Variants in FOXN3 observed in about 807,000 individuals in gnomAD.
The protein encoded by FOXN3 is forkhead box N3.
FOXN3 carries 7 observed loss-of-function variants against 38.4 expected under a neutral mutation model. The ratio of observed to expected loss-of-function variants is 0.18; its 90% CI spans 0.10 to 0.34. The LOEUF is 0.34. FOXN3 is among the 10% of genes least tolerant of loss of function. The pLI is 1.00. For missense variants in FOXN3, 456 were observed against 613.4 expected, an observed-to-expected ratio of 0.74 and a Z score of 2.71; for synonymous variants, 230 against 242.2, an observed-to-expected ratio of 0.95 and a Z score of 0.47.
At chr14:89,400,538 T>C (rs1891218276) in intron 2 of FOXN3, among the ~76,000 whole-genome samples, 1 of 152,176 alleles carries the variant, frequency 6.6e-6, no homozygotes, top group Non-Finnish European at 1.5e-5. Flanking sequence ...CACATGTTCA[T>C]CTGCAACCCC....
intron 1 of FOXN3, among the ~76,000 whole-genome samples, chr14:89,598,357 C>T (rs922053917): frequency 2.0e-5 from 3 of 152,056 alleles, no homozygotes; most frequent in African/African-American, 7.2e-5. Flanking sequence ...GAGCCTTGAT[C>T]GGGGATAATT....
chr14:89,459,950 A>G (rs983011573), intron 1 of FOXN3, among the ~76,000 whole-genome samples: 5 of 152,172 alleles, frequency 3.3e-5, no homozygotes, highest in Admixed American at 2.0e-4. Context: ...AGAGGGGAAG[A>G]CAATACGAAC....
chr14:89,518,551 C>A (rs900536414), intron 1 of FOXN3, among the ~76,000 whole-genome samples: 1 of 152,204 alleles, frequency 6.6e-6, no homozygotes, highest in Non-Finnish European at 1.5e-5. Flanking sequence ...CCCTCCCCAC[C>A]TTTGCCAAGA....
chr14:89,177,538 A>ACTGGGGCTGGGGCTGGGGCTGGGG (rs542008664), intron 5 of FOXN3, among the ~76,000 whole-genome samples: 1 of 140,218 alleles, frequency 7.1e-6, no homozygotes, highest in Non-Finnish European at 1.5e-5. Context: ...TGTTTCCCAA[A>ACTGGGGCTGGGGCTGGGGCTGGGG]CTGGGGCTGG....
At chr14:89,430,552 A>G (rs1892133595) in intron 1 of FOXN3, among the ~76,000 whole-genome samples, 2 of 152,228 alleles carry the variant, frequency 1.3e-5, no homozygotes, top group Non-Finnish European at 2.9e-5. Context: ...TGTCACTACT[A>G]AAAGCATTAT....
In FOXN3 at chr14:89,350,807, C is replaced by T. The variant is rs1313714876; in HGVS notation, c.545G>A (p.Ser182Asn). The change falls in exon 3 of 6, where the codon AGT becomes AAT. Residue 182 changes from serine to asparagine, a missense_variant and splice_region_variant. Around this residue, in one of 3 missense-constraint regions of FOXN3, gnomAD observed 386 missense variants for 505.2 expected, o/e 0.76. Coordinates refer to ENST00000557258, the MANE Select transcript of FOXN3 (RefSeq NM_005197.4). ...GCACCACAACGACCCTTTCCCAATA[C>T]TCTGCAAAGAAAATTAAAATACAAA... ...FKKVDKERSQSIGKGSLWCID... is the reference protein window; with the variant it reads ...FKKVDKERSQNIGKGSLWCID... 4 of 1,543,484 alleles carry T rather than the reference C, an allele frequency of 2.6e-6. No individual in the cohort carries two copies. The highest frequency in any genetic ancestry group is 4.8e-5 in the East Asian group (2 of 41,684).
At chr14:89,606,397 T>C (rs1395279167) in intron 1 of FOXN3, among the ~76,000 whole-genome samples, 1 of 151,902 alleles carries the variant, frequency 6.6e-6, no homozygotes, top group Non-Finnish European at 1.5e-5. Context: ...TTAAGAAGGA[T>C]AGAAAAACAT....
rs544255073 is a variant in FOXN3, at chr14:89,423,947, C to G, written c.-14-11457G>C. Among the ~76,000 whole-genome samples the G allele has an allele frequency of 2.0e-5, 3 of 152,242 alleles. No homozygotes were observed. The South Asian group carries it at 6.2e-4, about 32-fold the overall frequency. The stretch of plus-strand genomic sequence containing the variant: ...TGACTACTGGGAAGAGGCAATAAAC[C>G]CCAGGAAAGCAGGACTCCAGCCTAT... On this transcript the variant is annotated intron_variant, in intron 1 of 6. Coordinates refer to the FOXN3 transcript ENST00000345097.
intron 5 of FOXN3, among the ~76,000 whole-genome samples, chr14:89,173,330 A>C (rs1433763785): frequency 6.6e-6 from 1 of 152,260 alleles, no homozygotes. Context: ...GAAGATGTGG[A>C]GGACTAGGGA....
chr14:89,169,870 CGA>C (rs1297913519), intron 5 of FOXN3, among the ~76,000 whole-genome samples: 1 of 151,914 alleles, frequency 6.6e-6, no homozygotes, highest in East Asian at 1.9e-4. Context: ...AAACGTAAAA[CGA>C]GATGATAGAA....
intron 2 of FOXN3, chr14:89,351,178 A>G (rs1441768264): frequency 6.4e-6 from 1 of 156,512 alleles, no homozygotes; most frequent in Non-Finnish European, 1.4e-5. Flanking sequence ...TTTGGGGAAA[A>G]AAAAAAGAGG....
At chr14:89,522,743 A>G (rs1204928361) in intron 1 of FOXN3, among the ~76,000 whole-genome samples, 1 of 151,918 alleles carries the variant, frequency 6.6e-6, no homozygotes, top group East Asian at 1.9e-4. Context: ...ATAGCTATTA[A>G]AGTAAACAAA....
rs981412590 is a variant in FOXN3, at chr14:89,519,443, G to A, written c.-15+99585C>T. 4.6e-5 allele frequency among the ~76,000 whole-genome samples: 7 copies of A among 152,304 alleles called. No individual in the cohort carries two copies. In the South Asian group the frequency reaches 6.2e-4, roughly 14 times the overall value. On this transcript the variant is annotated intron_variant, in intron 1 of 6. Transcript: ENST00000345097. ...GAACTACTGATGTACCATTATGTAC[G>A]CGTCAGAAGAGCCTGGTCACAGTTC...
At chr14:89,472,659 T>C (rs1339928939) in intron 1 of FOXN3, among the ~76,000 whole-genome samples, 1 of 144,586 alleles carries the variant, frequency 6.9e-6, no homozygotes, top group Non-Finnish European at 1.5e-5. Context: ...AGGTGGAGCT[T>C]GCAGTGAGCC....
At chr14:89,403,527 C>G (rs1891305681) in intron 2 of FOXN3, among the ~76,000 whole-genome samples, 2 of 152,232 alleles carry the variant, frequency 1.3e-5, no homozygotes, top group South Asian at 4.1e-4. Flanking sequence ...AATAGGAGGT[C>G]AGAGTGCCAA....
chr14:89,226,125 A>AG (rs1471692129), intron 4 of FOXN3, among the ~76,000 whole-genome samples: 11 of 129,036 alleles, frequency 8.5e-5, no homozygotes, highest in African/African-American at 3.1e-4. Flanking sequence ...GGGGGAGGGG[A>AG]GGGGAAGGAA....
At chr14:89,538,917 C>T (rs1198705920) in intron 1 of FOXN3, among the ~76,000 whole-genome samples, 1 of 152,064 alleles carries the variant, frequency 6.6e-6, no homozygotes, top group Non-Finnish European at 1.5e-5. Context: ...GATCTCCGCT[C>T]ACTGCAACTT....
intron 2 of FOXN3, among the ~76,000 whole-genome samples, chr14:89,365,140 A>G (rs1038429809): frequency 6.6e-6 from 1 of 152,036 alleles, no homozygotes. Flanking sequence ...TCCGTTACTC[A>G]CTATTTTGAG....
intron 2 of FOXN3, among the ~76,000 whole-genome samples, chr14:89,397,342 A>T (rs551323629): frequency 2.9e-4 from 44 of 151,868 alleles, no homozygotes; most frequent in Admixed American, 3.9e-4. Flanking sequence ...TACTAGGCTT[A>T]TACCTAGGTG....
Sources: allele counts gnomAD v4.1 joint callset (sites outside exome capture counted in the v4.1 genomes callset), GRCh38; gene constraint gnomAD v4.1.1; regional missense constraint gnomAD v4.1.1; transcripts MANE v1.5; gene names NCBI Gene and HGNC (gene_info 2026-07-23, HGNC 2026-07-21).